SPICE1: variants seen among roughly 807,000 people sequenced by gnomAD.
SPICE1 encodes the protein spindle and centriole associated protein 1.
In SPICE1, 75 loss-of-function variants were observed where a neutral mutation model predicts 102.7. The observed-to-expected ratio is 0.73, with a 90% CI of 0.61 to 0.88. SPICE1 has a LOEUF of 0.88. Among genes scored for constraint, SPICE1 ranks in the 40% least tolerant of loss-of-function variants. The pLI, the probability that SPICE1 is intolerant of heterozygous loss-of-function variation, is 0.00. For synonymous variants in SPICE1, 308 were observed against 350.3 expected (o/e 0.88, Z 1.35); for missense variants, 979 against 1,020.1 (o/e 0.96, Z 0.55).
rs75865495 is a variant in SPICE1, at chr3:113,503,207, G to A, written c.120C>T (p.Thr40=). ...QEWDNTVTDL[T]VHRATPEDLV... ...GATCTTCGGGAGTTGCCCGATGAAC[G>A]GTTAGATCAGTCACGGTATTCTGTA... Residue 40 remains threonine, a synonymous_variant, in exon 3 of 18, where the codon ACC becomes ACT. Coordinates refer to ENST00000295872, the MANE Select transcript of SPICE1 (RefSeq NM_144718.4). 0.038 allele frequency: 60,430 copies of A among 1,597,764 alleles called. 1,386 individuals carry two copies. The highest frequency in any genetic ancestry group is 0.084 in the East Asian group (3,698 of 44,006).
chr3:113,462,899 T>C (rs767091941), intron 11 of SPICE1, among the ~76,000 whole-genome samples: 29 of 152,168 alleles, frequency 1.9e-4, no homozygotes, highest in Admixed American at 7.2e-4. Flanking sequence ...TCTTTAACCA[T>C]CATGCAAGGC....
intron 4 of SPICE1, among the ~76,000 whole-genome samples, chr3:113,497,885 T>C (rs1158829077): frequency 6.6e-6 from 1 of 151,452 alleles, no homozygotes; most frequent in Non-Finnish European, 1.5e-5. Context: ...AGGGCTTTTT[T>C]TTTTTTTTGG....
chr3:113,453,597 G>A lies in SPICE1; in HGVS notation c.2011C>T (p.Arg671Ter), dbSNP rs1407020061. Reference sequence around the variant, plus strand: ...TTCTGCAATGTCAAATCAGCAATTCGTGTCATTATGTCCTTTCTTTGTATT... The same window carrying A: ...TTCTGCAATGTCAAATCAGCAATTCATGTCATTATGTCCTTTCTTTGTATT... ...SLIQRKDIMT[R>*]IADLTLQNSA... Residue 671 changes from arginine (R) to a stop codon, truncating the protein, a stop_gained, in exon 14 of 18, where the codon CGA becomes TGA. Transcript: ENST00000295872. LOFTEE classifies it high-confidence loss of function. 5.6e-6 allele frequency: 9 copies of A among 1,614,084 alleles called. No homozygotes were observed. In the South Asian group the frequency reaches 6.6e-5, roughly 12 times the overall value.
intron 7 of SPICE1, among the ~76,000 whole-genome samples, chr3:113,485,433 GT>G (rs1262060270): frequency 6.6e-6 from 1 of 152,114 alleles, no homozygotes; most frequent in African/African-American, 2.4e-5. Flanking sequence ...TGAGTAGGTG[GT>G]TTTACACTCA....
intron 4 of SPICE1, chr3:113,499,173 T>C (rs1180378265): frequency 4.4e-5 from 12 of 271,898 alleles, no homozygotes; most frequent in Non-Finnish European, 6.9e-5. Context: ...AAGCAAATAA[T>C]AATTTTAAAT....
chr3:113,503,711 C>G (rs201302874), intron 2 of SPICE1, among the ~76,000 whole-genome samples: 1 of 151,752 alleles, frequency 6.6e-6, no homozygotes, highest in African/African-American at 2.4e-5. Context: ...GGTGGGTGGA[C>G]CACCTGAGCT....
At chr3:113,475,714 G>A (rs1249842949) in intron 7 of SPICE1, among the ~76,000 whole-genome samples, 1 of 152,056 alleles carries the variant, frequency 6.6e-6, no homozygotes, top group African/African-American at 2.4e-5. Flanking sequence ...TGCAGAAAAG[G>A]CCTTTGACAA....
intron 7 of SPICE1, among the ~76,000 whole-genome samples, chr3:113,472,880 TCTC>T (rs1936241356): frequency 6.6e-6 from 1 of 152,058 alleles, no homozygotes; most frequent in Admixed American, 6.6e-5. Context: ...GCAGAGCACC[TCTC>T]CTCCTCCAAA....
intron 7 of SPICE1, among the ~76,000 whole-genome samples, chr3:113,472,446 C>T (rs56685963): frequency 0.043 from 6,562 of 152,314 alleles, 172 homozygotes; most frequent in East Asian, 0.1. Flanking sequence ...TCTCCCAGCA[C>T]GCAGCTGGAG....
chr3:113,468,656 G>T, intron 9 of SPICE1, 106 bp downstream of exon 9: 1 of 1,327,554 alleles, frequency 7.5e-7, no homozygotes, highest in Non-Finnish European at 1.0e-6. Flanking sequence ...CTTTCAGTTG[G>T]AACCATGTGG....
chr3:113,476,138 A>G lies in SPICE1; in HGVS notation c.612-6900T>C, dbSNP rs1936340054. Among the ~76,000 whole-genome samples the G allele has an allele frequency of 2.0e-5, 3 of 151,792 alleles. No homozygotes were observed. The South Asian group carries it at 6.2e-4, about 31-fold the overall frequency. ...AAATCACAAGCATTCTTATACACCAATAACAGACAAAAGAGAGCCAAATCA... is the reference window on the plus strand; with the variant it reads ...AAATCACAAGCATTCTTATACACCAGTAACAGACAAAAGAGAGCCAAATCA... On this transcript the variant is annotated intron_variant, in intron 7 of 17. Transcript: ENST00000295872.
intron 7 of SPICE1, among the ~76,000 whole-genome samples, chr3:113,485,980 C>T (rs183957444): frequency 1.5e-3 from 221 of 151,978 alleles, no homozygotes; most frequent in South Asian, 6.2e-4. Context: ...GGCCTGGTGG[C>T]GCATGCCTGT....
intron 3 of SPICE1, among the ~76,000 whole-genome samples, chr3:113,499,957 A>T (rs187509921): frequency 6.6e-6 from 1 of 152,300 alleles, no homozygotes; most frequent in African/African-American, 2.4e-5. Context: ...ACATACACAC[A>T]TATACACACA....
chr3:113,460,195 T>G, intron 12 of SPICE1: 1 of 985,402 alleles, frequency 1.0e-6, no homozygotes, highest in South Asian at 4.7e-5. Flanking sequence ...TAAAACTCAG[T>G]ATTTTTCTCT....
In SPICE1 at chr3:113,497,208, T is replaced by C. The variant is rs148249234; in HGVS notation, c.291+2231A>G. 4.0e-3 allele frequency among the ~76,000 whole-genome samples: 612 copies of C among 152,338 alleles called. 4 individuals are homozygous for C. The highest frequency in any genetic ancestry group is 0.014 in the African/African-American group (574 of 41,576). ...GGCATATAGCTGAATGAAGCTGCTA[T>C]GGCCATTTTGTATTCAGAGACAGAA... On this transcript the variant is annotated intron_variant, in intron 4 of 17. Coordinates refer to ENST00000295872, the MANE Select transcript of SPICE1 (RefSeq NM_144718.4).
chr3:113,484,872 T>C lies in SPICE1; in HGVS notation c.611+4073A>G, dbSNP rs145844685. On this transcript the variant is annotated intron_variant, in intron 7 of 17. Transcript: ENST00000295872. ...TGGGGTGGAGAGTTCTGTAGATGTC[T>C]ATTAAGTCTGCTTGGTCCAGAGCTG... Among the ~76,000 whole-genome samples, 235 of 152,312 alleles carry C rather than the reference T, an allele frequency of 1.5e-3. 4 individuals carry two copies. In the East Asian group the frequency reaches 0.036, roughly 24 times the overall value.
At chr3:113,499,635 C>T (rs1936970878) in intron 3 of SPICE1, 53 bp from the exon 4 acceptor site, 5 of 1,497,190 alleles carry the variant, frequency 3.3e-6, no homozygotes, top group Non-Finnish European at 4.5e-6. Flanking sequence ...AAAGAAGTTG[C>T]CTATTCAGAT....
In SPICE1 at chr3:113,494,227, G is replaced by C. The variant is rs1029072742; in HGVS notation, c.292-85C>G. On this transcript the variant is annotated intron_variant, in intron 4 of 17. Transcript: ENST00000295872. ...AAGGAAAAGACCATAAAAAGGCCTG[G>C]AGCATGAAAATAACCATAGGCTACC... is the stretch of plus-strand genomic sequence containing the variant. The C allele has an allele frequency of 3.3e-6, 3 of 896,968 alleles. No homozygotes were observed. The African/African-American group carries it at 5.1e-5, about 15-fold the overall frequency. 55.6% of individuals were successfully genotyped at this position (896,968 alleles called of 1,614,324 possible). A position where few individuals can be genotyped will look rare whatever the true frequency, so the allele number is the denominator to read the frequency against.
At position 113,503,219 on chromosome 3, in the gene SPICE1, C is replaced by A; in HGVS notation, c.108G>T (p.Val36=). ...TSVKQEWDNT[V]TDLTVHRATP... ...TTGCCCGATGAACGGTTAGATCAGT[C>A]ACGGTATTCTGTAAAAAAAGGTGGC... is the stretch of plus-strand genomic sequence containing the variant. Residue 36 remains valine, a synonymous_variant, in exon 3 of 18, where the codon GTG becomes GTT. Coordinates refer to ENST00000295872, the MANE Select transcript of SPICE1 (RefSeq NM_144718.4). 3.8e-6 allele frequency: 6 copies of A among 1,579,908 alleles called. No homozygotes were observed. The highest frequency in any genetic ancestry group is 1.9e-5 in the Admixed American group (1 of 53,028).
Sources: allele counts gnomAD v4.1 joint callset (sites outside exome capture counted in the v4.1 genomes callset), GRCh38; gene constraint gnomAD v4.1.1; transcripts MANE v1.5; gene names NCBI Gene and HGNC (gene_info 2026-07-23, HGNC 2026-07-21).